Variants in CR1 observed in about 807,000 individuals in gnomAD.
The protein encoded by CR1 is complement C3b/C4b receptor 1 (Knops blood group).
Under a neutral mutation model 187.3 loss-of-function variants are expected in CR1, and 116 were observed. That is an observed-to-expected ratio of 0.62 (90% CI 0.53 to 0.72). CR1 has a LOEUF of 0.72. CR1 is among the 30% of genes least tolerant of loss of function. CR1 has a pLI of 0.00. For missense variants in CR1, 1,731 were observed against 2,110.7 expected, an observed-to-expected ratio of 0.82 and a Z score of 3.52; for synonymous variants, 576 against 747.1, an observed-to-expected ratio of 0.77 and a Z score of 3.73.
In CR1 at chr1:207,511,671, CT is replaced by C. The variant is rs755582762; in HGVS notation, c.487+19del. The C allele has an allele frequency of 3.4e-5, 55 of 1,601,012 alleles. No homozygotes were observed. The African/African-American group carries it at 6.6e-4, about 19-fold the overall frequency. On this transcript the variant is annotated intron_variant, in intron 4 of 46. Transcript: ENST00000367049. ...TTTGTGACAGTGAGTTGAAATATCC[CT>C]TCCTATTTCTTTTACCGACACATTC...
At chr1:207,628,464 T>C (rs1438825027) in intron 45 of CR1, among the ~76,000 whole-genome samples, 3 of 152,244 alleles carry the variant, frequency 2.0e-5, no homozygotes, top group African/African-American at 7.2e-5. Flanking sequence ...TACCATTTAT[T>C]ATCTTCTTTG....
intron 1 of CR1, among the ~76,000 whole-genome samples, chr1:207,497,102 G>C (rs936239939): frequency 1.3e-5 from 2 of 152,174 alleles, no homozygotes; most frequent in African/African-American, 4.8e-5. Flanking sequence ...CATACTTTAA[G>C]ACAGATGCAT....
At chr1:207,515,261 G>A (rs565893154) in intron 4 of CR1, among the ~76,000 whole-genome samples, 204 of 117,704 alleles carry the variant, frequency 1.7e-3, no homozygotes, top group Admixed American at 2.7e-3. Flanking sequence ...AGGTATATAC[G>A]TATACGTATA....
chr1:207,509,054 G>A (rs1659536702), intron 3 of CR1, among the ~76,000 whole-genome samples: 2 of 152,124 alleles, frequency 1.3e-5, no homozygotes, highest in Admixed American at 1.3e-4. Context: ...ATTATTTAAG[G>A]TTGAAAATGT....
At chr1:207,501,337 C>T (rs766381891) in intron 1 of CR1, among the ~76,000 whole-genome samples, 15 of 152,154 alleles carry the variant, frequency 9.9e-5, no homozygotes, top group Non-Finnish European at 1.6e-4. Flanking sequence ...GGTTTCACAA[C>T]GCATACATAT....
Position 207,520,981 on chromosome 1 carries a change from T to G in CR1, c.488-2630T>G, listed in dbSNP as rs1571515432. Among the ~76,000 whole-genome samples the G allele has an allele frequency of 4.9e-5, 7 of 143,352 alleles. No individual in the cohort carries two copies. In the South Asian group the frequency reaches 1.7e-3, roughly 34 times the overall value. 94.0% of individuals were successfully genotyped at this position (143,352 alleles called of 152,430 possible). A position where few individuals can be genotyped will look rare whatever the true frequency, so the allele number is the denominator to read the frequency against. On this transcript the variant is annotated intron_variant, in intron 4 of 46. Coordinates refer to ENST00000367049, the MANE Select transcript of CR1 (RefSeq NM_000651.6). ...TTTTTTTTGGTTGTTTTTTTTTTTTTTTTTTTTTTTTTGACAGAATTTCAC... is the reference window on the plus strand; with the variant it reads ...TTTTTTTTGGTTGTTTTTTTTTTTTGTTTTTTTTTTTTGACAGAATTTCAC...
Position 207,640,484 on chromosome 1 carries a change from C to G in CR1, c.*1075C>G, listed in dbSNP as rs1254831801. On this transcript the variant is annotated 3_prime_UTR_variant, in exon 47 of 47. Coordinates refer to ENST00000367049, the MANE Select transcript of CR1 (RefSeq NM_000651.6). ...ATTCAAAAGCACTTTGTGCTGTGTT[C>G]TATATAAAAAACATAATAAAAATTG... 1 of 151,906 alleles carries G rather than the reference C, an allele frequency of 6.6e-6. No homozygotes were observed. The highest frequency in any genetic ancestry group is 1.5e-5 in the Non-Finnish European group (1 of 68,008). 9.4% of individuals were successfully genotyped at this position (151,906 alleles called of 1,614,324 possible).
At chr1:207,575,117 A>G (rs1005266073) in intron 27 of CR1, among the ~76,000 whole-genome samples, 18 of 152,154 alleles carry the variant, frequency 1.2e-4, no homozygotes, top group Non-Finnish European at 2.6e-4. Context: ...CCTCTTGTTG[A>G]AAAACAAAGT....
At chr1:207,504,297 A>C (rs1007939129) in intron 1 of CR1, among the ~76,000 whole-genome samples, 1 of 152,238 alleles carries the variant, frequency 6.6e-6, no homozygotes, top group Non-Finnish European at 1.5e-5. Flanking sequence ...TCCCACAAAT[A>C]AAGTAAACAA....
intron 35 of CR1, among the ~76,000 whole-genome samples, chr1:207,606,216 A>G (rs1046545865): frequency 3.9e-5 from 6 of 152,186 alleles, no homozygotes; most frequent in Non-Finnish European, 7.3e-5. Flanking sequence ...GAAGAAGGGA[A>G]GGCCAATTCC....
intron 4 of CR1, among the ~76,000 whole-genome samples, chr1:207,515,187 G>A (rs1273162424): frequency 4.5e-5 from 5 of 110,984 alleles, no homozygotes; most frequent in Non-Finnish European, 6.9e-5. Context: ...ACATATATAC[G>A]TATATATACA....
At chr1:207,573,711 T>C (rs1558238871) in intron 27 of CR1, among the ~76,000 whole-genome samples, 1 of 152,260 alleles carries the variant, frequency 6.6e-6, no homozygotes, top group African/African-American at 2.4e-5. Flanking sequence ...TTCAGTGTGT[T>C]TATATATTTC....
At chr1:207,589,226 A>T (rs1053417419) in intron 35 of CR1, among the ~76,000 whole-genome samples, 2 of 152,168 alleles carry the variant, frequency 1.3e-5, no homozygotes, top group Non-Finnish European at 2.9e-5. Context: ...GCACACAGAG[A>T]GGAGACATTA....
intron 46 of CR1, among the ~76,000 whole-genome samples, chr1:207,631,873 G>A (rs1662655993): frequency 6.6e-6 from 1 of 152,146 alleles, no homozygotes; most frequent in African/African-American, 2.4e-5. Flanking sequence ...AATCATTACT[G>A]AATTTCCTTT....
At chr1:207,501,567 C>T (rs1659270483) in intron 1 of CR1, among the ~76,000 whole-genome samples, 1 of 152,084 alleles carries the variant, frequency 6.6e-6, no homozygotes, top group African/African-American at 2.4e-5. Flanking sequence ...TCATATATTC[C>T]TTTTTTGAGC....
At chr1:207,638,081 G>A (rs544555641) in intron 46 of CR1, among the ~76,000 whole-genome samples, 2 of 152,282 alleles carry the variant, frequency 1.3e-5, no homozygotes, top group South Asian at 4.1e-4. Context: ...AGATTAAGTT[G>A]CATCTGAGGA....
chr1:207,576,436 A>G (rs1660745473), intron 28 of CR1, among the ~76,000 whole-genome samples: 1 of 152,208 alleles, frequency 6.6e-6, no homozygotes. Flanking sequence ...TGAATCTGTA[A>G]GTATCATGTT....
intron 1 of CR1, 95 bp from the exon 2 acceptor site, chr1:207,505,809 C>T: frequency 7.1e-7 from 1 of 1,400,042 alleles, no homozygotes; most frequent in Non-Finnish European, 9.8e-7. Context: ...GCACTCCAGC[C>T]TGGGTGATGG....
chr1:207,507,925 A>G (rs1286681020), intron 3 of CR1, among the ~76,000 whole-genome samples: 1 of 152,238 alleles, frequency 6.6e-6, no homozygotes, highest in Non-Finnish European at 1.5e-5. Flanking sequence ...TGGTACATCC[A>G]TACAATAGAA....
Sources: allele counts gnomAD v4.1 joint callset (sites outside exome capture counted in the v4.1 genomes callset), GRCh38; gene constraint gnomAD v4.1.1; transcripts MANE v1.5; gene names NCBI Gene and HGNC (gene_info 2026-07-23, HGNC 2026-07-21).